NLGN4X: variants seen among roughly 807,000 people sequenced by gnomAD.
The protein encoded by NLGN4X is neuroligin-4, X-linked.
Under a neutral mutation model 40.3 loss-of-function variants are expected in NLGN4X, and 3 were observed. The observed-to-expected ratio is 0.07, with a 90% CI of 0.03 to 0.19. The LOEUF (loss-of-function observed/expected upper bound fraction) is 0.19, where lower values mean the gene tolerates loss of function less well. Ranked by LOEUF, NLGN4X falls within the 10% of genes least tolerant of loss-of-function variation. The pLI, the probability that NLGN4X is intolerant of heterozygous loss-of-function variation, is 1.00. For synonymous variants in NLGN4X, 270 were observed against 306.8 expected, an observed-to-expected ratio of 0.88 and a Z score of 1.25; for missense variants, 382 against 708.3, an observed-to-expected ratio of 0.54 and a Z score of 5.23.
chrX:6,107,699 T>C (rs980612533), intron 2 of NLGN4X, among the ~76,000 whole-genome samples: 1 of 111,728 alleles, frequency 9.0e-6, no homozygotes, highest in Non-Finnish European at 1.9e-5. Context: ...CCTCACCCCC[T>C]CCCAGCCTTT....
At chrX:6,132,491 T>C (rs762151220) in intron 2 of NLGN4X, among the ~76,000 whole-genome samples, 36 of 111,524 alleles carry the variant, frequency 3.2e-4, no homozygotes, top group Admixed American at 1.9e-4. Flanking sequence ...GCATCTCTGG[T>C]CACCACCTAC....
intron 3 of NLGN4X, among the ~76,000 whole-genome samples, chrX:5,973,808 G>A (rs1303476421): frequency 9.1e-6 from 1 of 109,953 alleles, no homozygotes; most frequent in African/African-American, 3.3e-5. Context: ...GGGTGACATA[G>A]CTAGACTCCC....
In NLGN4X at chrX:6,148,578, C is replaced by T. The variant is rs751780017; in HGVS notation, c.472+2417G>A. On this transcript the variant is annotated intron_variant, in intron 2 of 5. Transcript: ENST00000381095. ...GTTGCCAGGCTGGAGTGCAATGGCG[C>T]GATTGTGGCTCACTGCAACCTCCAC... Among the ~76,000 whole-genome samples the T allele has an allele frequency of 2.7e-5, 3 of 110,526 alleles. No individual in the cohort carries two copies. The East Asian group carries it at 8.5e-4, about 31-fold the overall frequency.
At position 6,219,149 on chromosome X, in the gene NLGN4X, A is replaced by ATG. The variant is rs764532558; in HGVS notation, c.-306+9390_-306+9391dup. 2.3e-4 allele frequency among the ~76,000 whole-genome samples: 20 copies of ATG among 87,322 alleles called. No homozygotes were observed. The South Asian group carries it at 7.9e-3, about 34-fold the overall frequency. The allele number at this position is 87,322 out of a possible 115,157, so 75.8% of individuals were successfully genotyped here. A position where few individuals can be genotyped will look rare whatever the true frequency, so the allele number is the denominator to read the frequency against. On this transcript the variant is annotated intron_variant, in intron 1 of 5. Coordinates refer to ENST00000381095, the MANE Select transcript of NLGN4X (RefSeq NM_181332.3). ...TATACATATATACGTATATATATGT[A>ATG]TGTGTGTGTGTGTATATATATATAT...
At position 5,892,775 on chromosome X, in the gene NLGN4X, G is replaced by A. The variant is rs2031247712; in HGVS notation, c.*42C>T. ...CTTTCCTTCCCTCTTCTATGTTGCTGAGCGGGTAGGGCAGAGGGATAGGAA... is the reference window on the plus strand; with the variant it reads ...CTTTCCTTCCCTCTTCTATGTTGCTAAGCGGGTAGGGCAGAGGGATAGGAA... On this transcript the variant is annotated 3_prime_UTR_variant, in exon 6 of 6. Transcript: ENST00000381095. The A allele has an allele frequency of 8.3e-7, 1 of 1,197,741 alleles. No individual in the cohort carries two copies. Among genetic ancestry groups the A allele is most frequent in the Non-Finnish European group, 1.1e-6 (1 of 885,495 alleles).
intron 3 of NLGN4X, among the ~76,000 whole-genome samples, chrX:5,923,385 C>T (rs2146827602): frequency 8.9e-6 from 1 of 112,723 alleles, no homozygotes; most frequent in Admixed American, 9.4e-5. Context: ...AAGCGATCTG[C>T]CTGCCTTGCC....
intron 3 of NLGN4X, among the ~76,000 whole-genome samples, chrX:5,976,816 A>G (rs951708861): frequency 1.8e-5 from 2 of 113,041 alleles, no homozygotes; most frequent in African/African-American, 6.4e-5. Flanking sequence ...GTTTACAGAG[A>G]CAAGCCCTAT....
At chrX:6,153,298 G>A (rs1300576668) in intron 1 of NLGN4X, among the ~76,000 whole-genome samples, 1 of 111,152 alleles carries the variant, frequency 9.0e-6, no homozygotes, top group Non-Finnish European at 1.9e-5. Flanking sequence ...GACATCCTGG[G>A]AAAAGTTCAC....
intron 5 of NLGN4X, among the ~76,000 whole-genome samples, chrX:5,897,220 G>T (rs985523949): frequency 1.8e-5 from 2 of 111,481 alleles, no homozygotes; most frequent in African/African-American, 6.5e-5. Flanking sequence ...TTACTTTAAA[G>T]CACTGTTCTT....
At chrX:6,040,638 G>C (rs961408956) in intron 2 of NLGN4X, among the ~76,000 whole-genome samples, 1 of 111,649 alleles carries the variant, frequency 9.0e-6, no homozygotes, top group African/African-American at 3.3e-5. Context: ...TATTTCCTTA[G>C]AGAACAGTTC....
intron 2 of NLGN4X, among the ~76,000 whole-genome samples, chrX:6,030,757 T>G (rs940435273): frequency 1.8e-5 from 2 of 112,120 alleles, no homozygotes; most frequent in Admixed American, 1.9e-4. Context: ...CATATAAAAT[T>G]CAAATATGAA....
chrX:6,012,167 G>C (rs12849032), intron 3 of NLGN4X, among the ~76,000 whole-genome samples: 1 of 112,468 alleles, frequency 8.9e-6, no homozygotes, highest in Non-Finnish European at 1.9e-5. Context: ...CAAGGTAAAA[G>C]GTTTTGCTTT....
chrX:5,914,776 T>C (rs1310742666), intron 3 of NLGN4X, among the ~76,000 whole-genome samples: 1 of 111,919 alleles, frequency 8.9e-6, no homozygotes, highest in Non-Finnish European at 1.9e-5. Context: ...AAACAGAATT[T>C]GTGTTAGATC....
intron 2 of NLGN4X, among the ~76,000 whole-genome samples, chrX:6,052,823 G>A (rs1163049377): frequency 8.9e-6 from 1 of 112,654 alleles, no homozygotes; most frequent in Admixed American, 9.4e-5. Context: ...CATATCAGTA[G>A]ATTCCATAGA....
At chrX:6,206,320 T>A (rs1409315532) in intron 1 of NLGN4X, among the ~76,000 whole-genome samples, 1 of 112,203 alleles carries the variant, frequency 8.9e-6, no homozygotes, top group Non-Finnish European at 1.9e-5. Context: ...ATGAGTGATA[T>A]GTTCATTAAT....
intron 3 of NLGN4X, among the ~76,000 whole-genome samples, chrX:5,934,123 C>T (rs1337731089): frequency 9.0e-6 from 1 of 111,475 alleles, no homozygotes; most frequent in Admixed American, 9.6e-5. Context: ...CTTTAGATTC[C>T]ACATATAATT....
intron 2 of NLGN4X, among the ~76,000 whole-genome samples, chrX:6,090,278 T>G (rs1028969905): frequency 2.8e-4 from 31 of 111,475 alleles, no homozygotes; most frequent in African/African-American, 9.1e-4. Flanking sequence ...TTAATATATT[T>G]AGATAAAAAC....
intron 2 of NLGN4X, among the ~76,000 whole-genome samples, chrX:6,135,333 T>C (rs997693492): frequency 1.8e-5 from 2 of 112,054 alleles, no homozygotes; most frequent in Non-Finnish European, 3.8e-5. Context: ...GCAACTGATA[T>C]ACAAGTTTTC....
chrX:5,918,912 C>T (rs1482573101), intron 3 of NLGN4X, among the ~76,000 whole-genome samples: 2 of 112,049 alleles, frequency 1.8e-5, no homozygotes, highest in African/African-American at 6.5e-5. Context: ...AGAGCAGTTA[C>T]AGAGTTCCAT....
Sources: gnomAD v4.1 joint callset for allele counts (sites outside exome capture counted in the v4.1 genomes callset) on GRCh38, gnomAD v4.1.1 for gene constraint, MANE v1.5 for transcripts, NCBI Gene and HGNC (gene_info 2026-07-23, HGNC 2026-07-21) for gene names.